Variants in AGBL1 observed in about 807,000 individuals in gnomAD.
AGBL1 encodes cytosolic carboxypeptidase 4.
A neutral mutation model predicts 118.9 loss-of-function variants in AGBL1; 130 were observed. The ratio of observed to expected loss-of-function variants is 1.09; its 90% CI spans 0.95 to 1.26. The LOEUF is 1.26. AGBL1 is among the 50% of genes most tolerant of loss of function. The pLI is 0.00. For synonymous variants in AGBL1, 555 were observed against 478.9 expected (o/e 1.16, Z -2.08); for missense variants, 1,584 against 1,298.1 (o/e 1.22, Z -3.38).
At chr15:86,717,749 A>G (rs1057194495) in intron 22 of AGBL1, among the ~76,000 whole-genome samples, 1 of 152,138 alleles carries the variant, frequency 6.6e-6, no homozygotes, top group Non-Finnish European at 1.5e-5. Flanking sequence ...TTATAGTATC[A>G]CAGCCATATT....
chr15:86,095,528 A>G (rs551350641), intron 1 of AGBL1, among the ~76,000 whole-genome samples: 3 of 152,150 alleles, frequency 2.0e-5, no homozygotes, highest in South Asian at 4.1e-4. Context: ...ACCAAATATT[A>G]TAACAAAAGA....
At chr15:86,254,121 T>C (rs2078858917) in intron 7 of AGBL1, among the ~76,000 whole-genome samples, 1 of 152,250 alleles carries the variant, frequency 6.6e-6, no homozygotes, top group Non-Finnish European at 1.5e-5. Flanking sequence ...TGCTTTGTTA[T>C]CATGGGAATT....
intron 22 of AGBL1, among the ~76,000 whole-genome samples, chr15:86,801,748 G>A (rs1217929919): frequency 6.6e-6 from 1 of 152,124 alleles, no homozygotes; most frequent in African/African-American, 2.4e-5. Flanking sequence ...CATTTTACAT[G>A]AAGATTTGGT....
intron 5 of AGBL1, among the ~76,000 whole-genome samples, chr15:86,196,911 A>G (rs1446303995): frequency 1.3e-5 from 2 of 151,656 alleles, no homozygotes; most frequent in Non-Finnish European, 2.9e-5. Flanking sequence ...ACACACACAC[A>G]CACACACACA....
chr15:86,311,927 G>A (rs2079927311), intron 17 of AGBL1, among the ~76,000 whole-genome samples: 1 of 152,236 alleles, frequency 6.6e-6, no homozygotes, highest in Admixed American at 6.5e-5. Context: ...AATTGGGACA[G>A]TGAATAATTC....
intron 16 of AGBL1, among the ~76,000 whole-genome samples, chr15:86,289,699 C>T (rs976603789): frequency 3.9e-5 from 6 of 152,194 alleles, no homozygotes; most frequent in African/African-American, 1.4e-4. Flanking sequence ...ACCTCCTTTT[C>T]CATTACATCC....
At chr15:86,133,323 T>G (rs2141615833) in intron 1 of AGBL1, among the ~76,000 whole-genome samples, 1 of 152,314 alleles carries the variant, frequency 6.6e-6, no homozygotes, top group South Asian at 2.1e-4. Flanking sequence ...TTTCTGCTAG[T>G]TCACTTTTGT....
At chr15:86,118,735 A>G (rs1470805665) in intron 1 of AGBL1, among the ~76,000 whole-genome samples, 1 of 151,930 alleles carries the variant, frequency 6.6e-6, no homozygotes, top group African/African-American at 2.4e-5. Flanking sequence ...AAACAAGGGT[A>G]AGGAGGCTTA....
chr15:86,390,426 C>A (rs2081258956), intron 17 of AGBL1, among the ~76,000 whole-genome samples: 1 of 152,054 alleles, frequency 6.6e-6, no homozygotes, highest in Non-Finnish European at 1.5e-5. Flanking sequence ...TTGTACCCAA[C>A]AACATTCTTT....
At chr15:86,619,707 T>TA (rs1417510128) in intron 21 of AGBL1, among the ~76,000 whole-genome samples, 10 of 152,080 alleles carry the variant, frequency 6.6e-5, no homozygotes, top group African/African-American at 2.4e-4. Context: ...ACGAGATCAG[T>TA]AAGTGACAAC....
chr15:86,185,687 A>G (rs1000884337), intron 5 of AGBL1, among the ~76,000 whole-genome samples: 1 of 146,132 alleles, frequency 6.8e-6, no homozygotes, highest in Non-Finnish European at 1.5e-5. Flanking sequence ...GTTCCCGCTC[A>G]TAGGTGGGAA....
chr15:86,452,281 T>A (rs2082203309), intron 18 of AGBL1, among the ~76,000 whole-genome samples: 1 of 152,190 alleles, frequency 6.6e-6, no homozygotes, highest in Non-Finnish European at 1.5e-5. Context: ...TGGTATTCCC[T>A]TTCTTGAGTG....
chr15:86,651,732 C>T (rs577364453), intron 21 of AGBL1, among the ~76,000 whole-genome samples: 20 of 152,270 alleles, frequency 1.3e-4, no homozygotes, highest in African/African-American at 4.8e-4. Context: ...AACTACTGAT[C>T]TCTCTGAGTG....
At chr15:86,164,647 A>T (rs191200773) in intron 5 of AGBL1, among the ~76,000 whole-genome samples, 2 of 152,128 alleles carry the variant, frequency 1.3e-5, no homozygotes, top group East Asian at 3.9e-4. Flanking sequence ...ATTGAACCCA[A>T]CCTTTGGAAC....
intron 18 of AGBL1, among the ~76,000 whole-genome samples, chr15:86,429,362 C>A (rs755161583): frequency 3.9e-4 from 60 of 152,198 alleles, no homozygotes; most frequent in Non-Finnish European, 6.5e-4. Context: ...AATTCCAAGA[C>A]TCCACCTTAG....
intron 1 of AGBL1, among the ~76,000 whole-genome samples, chr15:86,133,079 A>T (rs1332606494): frequency 6.6e-6 from 1 of 152,200 alleles, no homozygotes; most frequent in East Asian, 1.9e-4. Context: ...TACAAGTATT[A>T]GTCCAATAAT....
chr15:86,633,869 ATATATAATG>A (rs541238745), intron 21 of AGBL1, among the ~76,000 whole-genome samples: 2,563 of 19,592 alleles, frequency 0.13, 104 homozygotes, highest in African/African-American at 0.21. Flanking sequence ...TATAATGTAT[ATATATAATG>A]TATATATATA....
At chr15:86,874,870 C>G (rs2079784819) in intron 22 of AGBL1, among the ~76,000 whole-genome samples, 2 of 152,052 alleles carry the variant, frequency 1.3e-5, no homozygotes, top group Admixed American at 6.5e-5. Context: ...TTAGGACACA[C>G]TAATTGGTAG....
intron 23 of AGBL1, among the ~76,000 whole-genome samples, chr15:86,944,417 G>A (rs890229425): frequency 1.3e-5 from 2 of 152,222 alleles, no homozygotes; most frequent in African/African-American, 4.8e-5. Context: ...GCATGTTTCA[G>A]GATGGCCGAC....
Sources: gnomAD v4.1 joint callset for allele counts (sites outside exome capture counted in the v4.1 genomes callset) on GRCh38, gnomAD v4.1.1 for gene constraint, MANE v1.5 for transcripts, NCBI Gene and HGNC (gene_info 2026-07-23, HGNC 2026-07-21) for gene names.